SUGCT: variants seen among roughly 807,000 people sequenced by gnomAD.
SUGCT encodes succinyl-CoA:glutarate-CoA transferase.
In SUGCT, 41 loss-of-function variants were observed where a neutral mutation model predicts 55.0. The ratio of observed to expected loss-of-function variants is 0.74; its 90% CI spans 0.58 to 0.97. The LOEUF (loss-of-function observed/expected upper bound fraction) is 0.97. SUGCT is among the 50% of genes least tolerant of loss of function. The pLI is 0.00. For synonymous variants in SUGCT, 187 were observed against 200.4 expected, an observed-to-expected ratio of 0.93 and a Z score of 0.56; for missense variants, 568 against 547.8, an observed-to-expected ratio of 1.04 and a Z score of -0.37.
intron 8 of SUGCT, among the ~76,000 whole-genome samples, chr7:40,275,411 A>G (rs1792398953): frequency 6.6e-6 from 1 of 152,222 alleles, no homozygotes; most frequent in Non-Finnish European, 1.5e-5. Flanking sequence ...AATATATTCA[A>G]TGGAAAAATC....
intron 8 of SUGCT, among the ~76,000 whole-genome samples, chr7:40,316,464 C>T (rs904536142): frequency 3.3e-5 from 5 of 152,086 alleles, no homozygotes; most frequent in African/African-American, 1.2e-4. Context: ...GGATAAAGGC[C>T]AGACCACGGT....
chr7:40,278,066 A>G (rs1015360393), intron 8 of SUGCT, among the ~76,000 whole-genome samples: 10 of 152,014 alleles, frequency 6.6e-5, no homozygotes, highest in African/African-American at 2.4e-4. Context: ...TATGTGCCAC[A>G]TTTTCTTAAT....
chr7:40,158,953 T>C (rs1236742028), intron 1 of SUGCT, among the ~76,000 whole-genome samples: 1 of 152,250 alleles, frequency 6.6e-6, no homozygotes, highest in East Asian at 1.9e-4. Context: ...TCTGGCTCTA[T>C]TGCCTAGGAT....
chr7:40,507,019 G>T (rs1792644223), intron 12 of SUGCT, among the ~76,000 whole-genome samples: 3 of 151,520 alleles, frequency 2.0e-5, no homozygotes, highest in Non-Finnish European at 4.4e-5. Context: ...CTGATTTGAA[G>T]TTTTTTTTTC....
At chr7:40,640,182 TA>T (rs1800207935) in intron 12 of SUGCT, among the ~76,000 whole-genome samples, 1 of 152,132 alleles carries the variant, frequency 6.6e-6, no homozygotes, top group Admixed American at 6.5e-5. Context: ...ACAATGAAAC[TA>T]AAAAAGTTAA....
At chr7:40,817,222 A>G (rs1467770067) in intron 13 of SUGCT, among the ~76,000 whole-genome samples, 1 of 152,204 alleles carries the variant, frequency 6.6e-6, no homozygotes, top group Non-Finnish European at 1.5e-5. Context: ...AGATTTTAAA[A>G]CTGGTCCTCT....
At chr7:40,144,140 G>C (rs966415920) in intron 1 of SUGCT, among the ~76,000 whole-genome samples, 1 of 152,196 alleles carries the variant, frequency 6.6e-6, no homozygotes, top group Non-Finnish European at 1.5e-5. Flanking sequence ...CCTGGATTAA[G>C]TGGTCTCAAT....
intron 9 of SUGCT, among the ~76,000 whole-genome samples, chr7:40,319,579 A>G (rs143676512): frequency 1.1e-3 from 173 of 152,294 alleles, no homozygotes; most frequent in African/African-American, 4.1e-3. Context: ...GAAAGATTGT[A>G]TACCTCAAAT....
At chr7:40,922,038 T>A in the SUGCT span, among the ~76,000 whole-genome samples, 1 of 152,038 alleles carries the variant, frequency 6.6e-6, no homozygotes, top group Admixed American at 6.5e-5. Flanking sequence ...AACTCAGATG[T>A]GTTAGAAAGG....
intron 12 of SUGCT, among the ~76,000 whole-genome samples, chr7:40,629,587 A>T (rs1410330101): frequency 6.6e-6 from 1 of 152,046 alleles, no homozygotes; most frequent in African/African-American, 2.4e-5. Flanking sequence ...GAGGGAGAAT[A>T]TGTTACTCGA....
the SUGCT span, among the ~76,000 whole-genome samples, chr7:40,868,721 T>A: frequency 5.9e-5 from 9 of 152,092 alleles, no homozygotes; most frequent in Non-Finnish European, 1.3e-4. Context: ...AATTTTTAAA[T>A]TTTTTATAGA....
intron 7 of SUGCT, among the ~76,000 whole-genome samples, chr7:40,264,446 G>C (rs1791425793): frequency 6.6e-6 from 1 of 152,184 alleles, no homozygotes; most frequent in African/African-American, 2.4e-5. Context: ...TTCAAGTAGA[G>C]TGTGTGTTTG....
chr7:40,729,334 A>G (rs868601012), intron 12 of SUGCT, among the ~76,000 whole-genome samples: 1 of 152,336 alleles, frequency 6.6e-6, no homozygotes, highest in Middle Eastern at 3.4e-3. Flanking sequence ...CAGGGACTAT[A>G]TGTCCACAGA....
chr7:40,147,798 A>C (rs1359835254), intron 1 of SUGCT, among the ~76,000 whole-genome samples: 1 of 152,352 alleles, frequency 6.6e-6, no homozygotes, highest in Non-Finnish European at 1.5e-5. Flanking sequence ...CCAGAGGGGA[A>C]TGTAATCACA....
At chr7:40,434,207 A>G (rs1432852064) in intron 9 of SUGCT, among the ~76,000 whole-genome samples, 1 of 152,182 alleles carries the variant, frequency 6.6e-6, no homozygotes, top group Admixed American at 6.5e-5. Context: ...CATGACCTTA[A>G]TCATGGTAGA....
At chr7:40,818,142 C>T (rs1047224173) in intron 13 of SUGCT, among the ~76,000 whole-genome samples, 10 of 152,324 alleles carry the variant, frequency 6.6e-5, no homozygotes, top group East Asian at 5.8e-4. Context: ...CAGGATATAA[C>T]GCAACTCTTG....
chr7:40,513,863 C>G (rs1245745495), intron 12 of SUGCT, among the ~76,000 whole-genome samples: 1 of 143,642 alleles, frequency 7.0e-6, no homozygotes, highest in Non-Finnish European at 1.5e-5. Context: ...GATCTCGGCT[C>G]ACTGCAAACT....
intron 8 of SUGCT, among the ~76,000 whole-genome samples, chr7:40,293,821 A>G (rs1319109416): frequency 6.6e-6 from 1 of 152,238 alleles, no homozygotes; most frequent in Non-Finnish European, 1.5e-5. Context: ...TTTTTAATCA[A>G]AACTGAAGTT....
At chr7:40,577,781 C>A (rs1796847355) in intron 12 of SUGCT, among the ~76,000 whole-genome samples, 1 of 152,070 alleles carries the variant, frequency 6.6e-6, no homozygotes, top group African/African-American at 2.4e-5. Context: ...ATCATATTAT[C>A]AAGGTACTCT....
Sources: gnomAD v4.1 joint callset for allele counts (sites outside exome capture counted in the v4.1 genomes callset) on GRCh38, gnomAD v4.1.1 for gene constraint, MANE v1.5 for transcripts, NCBI Gene and HGNC (gene_info 2026-07-23, HGNC 2026-07-21) for gene names.